SRP68: variants seen among roughly 807,000 people sequenced by gnomAD.
The protein encoded by SRP68 is signal recognition particle subunit SRP68.
SRP68 carries 15 observed loss-of-function variants against 82.2 expected under a neutral mutation model. The observed-to-expected ratio is 0.18, with a 90% CI of 0.12 to 0.28. The LOEUF (loss-of-function observed/expected upper bound fraction) is 0.28, where lower values mean the gene tolerates loss of function less well. Ranked by LOEUF, SRP68 falls within the 10% of genes least tolerant of loss-of-function variation. The probability of loss-of-function intolerance (pLI) is 1.00; values close to 1 mark genes in which losing one functional copy is unlikely to be tolerated. For synonymous variants in SRP68, 261 were observed against 292.6 expected (o/e 0.89, Z 1.10); for missense variants, 595 against 780.5 (o/e 0.76, Z 2.83).
At chr17:76,065,235 A>T (rs1270833591) in intron 3 of SRP68, among the ~76,000 whole-genome samples, 3 of 152,154 alleles carry the variant, frequency 2.0e-5, no homozygotes, top group African/African-American at 7.2e-5. Context: ...GGATCACTTG[A>T]GGCCAGGAGT....
At chr17:76,040,593 G>A in intron 14 of SRP68, 119 bp from the exon 15 acceptor site, 3 of 978,388 alleles carry the variant, frequency 3.1e-6, no homozygotes, top group Non-Finnish European at 4.8e-6. Flanking sequence ...CAGCATGTGG[G>A]GAAGCCAGGC....
chr17:76,062,642 A>AAT (rs1320150375), intron 4 of SRP68, among the ~76,000 whole-genome samples: 1 of 39,926 alleles, frequency 2.5e-5, no homozygotes, highest in African/African-American at 2.7e-4. Context: ...TATATTATAT[A>AAT]ATATACATTA....
At chr17:76,041,880 A>T (rs2066593125) in intron 13 of SRP68, among the ~76,000 whole-genome samples, 1 of 150,076 alleles carries the variant, frequency 6.7e-6, no homozygotes, top group Non-Finnish European at 1.5e-5. Flanking sequence ...CAACGACAGG[A>T]ACCTTTGCTT....
chr17:76,039,903 G>C lies in SRP68; in HGVS notation c.1687C>G (p.Leu563Val), dbSNP rs776560523. Residue 563 changes from leucine (L) to valine (V), a missense_variant, in exon 16 of 16, where the codon CTG (leucine) becomes GTG (valine). By Grantham distance (32) the Leu-to-Val change is conservative. Around this residue, in one of 2 missense-constraint regions of SRP68, gnomAD observed 495 missense variants for 688.6 expected, o/e 0.72. Transcript: ENST00000307877. ...PLVERFETFC[L>V]DPSLVTKQAN... ...TGCTTGGTGACAAGGGAAGGGTCCA[G>C]GCAGAATGTCTCAAACCGTTCAACC... The C allele has an allele frequency of 3.5e-5, 56 of 1,614,116 alleles. No individual in the cohort carries two copies. Among genetic ancestry groups the C allele is most frequent in the Non-Finnish European group, 4.5e-5 (53 of 1,180,044 alleles).
intron 8 of SRP68, among the ~76,000 whole-genome samples, chr17:76,056,782 G>C (rs1380333058): frequency 6.6e-6 from 1 of 152,170 alleles, no homozygotes; most frequent in Non-Finnish European, 1.5e-5. Flanking sequence ...TTTTTTTAAA[G>C]ATGTCCTTTA....
chr17:76,040,757 C>A, intron 14 of SRP68, 146 bp downstream of exon 14: 1 of 774,534 alleles, frequency 1.3e-6, no homozygotes. Context: ...ATCTGATGCC[C>A]AGCTGGCACA....
At chr17:76,064,603 G>A (rs1656175700) in intron 3 of SRP68, among the ~76,000 whole-genome samples, 3 of 152,064 alleles carry the variant, frequency 2.0e-5, no homozygotes. Flanking sequence ...CACTTTGGGA[G>A]GCTGAGCCAG....
intron 3 of SRP68, among the ~76,000 whole-genome samples, chr17:76,065,859 A>C (rs1466891439): frequency 2.6e-5 from 4 of 151,624 alleles, no homozygotes; most frequent in Non-Finnish European, 4.4e-5. Context: ...AACATTTTCC[A>C]ATAAGATGAA....
At chr17:76,062,742 TATATATATATATATATATATATAAA>T (rs1429272557) in intron 4 of SRP68, among the ~76,000 whole-genome samples, 2 of 28,208 alleles carry the variant, frequency 7.1e-5, no homozygotes, top group South Asian at 6.6e-4. Flanking sequence ...TATATATATA[TATATATATATATATATATATATAAA>T]ATATATATAT....
chr17:76,070,884 T>C (rs769416270), intron 1 of SRP68, among the ~76,000 whole-genome samples: 47 of 99,462 alleles, frequency 4.7e-4, no homozygotes, highest in Non-Finnish European at 8.7e-4. Context: ...ACACACAAAT[T>C]TGTGAAATAT....
intron 4 of SRP68, among the ~76,000 whole-genome samples, chr17:76,062,743 A>T (rs1366440373): frequency 1.5e-5 from 1 of 68,902 alleles, no homozygotes; most frequent in African/African-American, 8.4e-5. Context: ...ATATATATAT[A>T]TATATATATA....
chr17:76,044,989 G>C (rs1230740897), intron 12 of SRP68: 4 of 223,034 alleles, frequency 1.8e-5, no homozygotes, highest in Non-Finnish European at 2.6e-5. Context: ...TGATCCACCT[G>C]CCTCAGCCTC....
In SRP68 at chr17:76,040,490, G is replaced by T. The variant is rs2066581336; in HGVS notation, c.1601-16C>A. 1 of 1,612,394 alleles carries T rather than the reference G, an allele frequency of 6.2e-7. No homozygotes were observed. The highest frequency in any genetic ancestry group is 1.3e-5 in the African/African-American group (1 of 74,856). ...TCGTTTGCATCTGAAAGTTTCACAG[G>T]GATTCAGTAAGAACAAGGATTTATA... On this transcript the variant is annotated splice_polypyrimidine_tract_variant and intron_variant, in intron 14 of 15. Transcript: ENST00000307877.
At position 76,067,207 on chromosome 17, in the gene SRP68, C is replaced by A; in HGVS notation, c.365+10G>T. ...GAAGTAATTTGCAACTAGCATGGAG[C>A]AGTCAATACCTATTATCGGTCAGAA... is the stretch of plus-strand genomic sequence containing the variant. On this transcript the variant is annotated intron_variant, in intron 3 of 15. Coordinates refer to ENST00000307877, the MANE Select transcript of SRP68 (RefSeq NM_014230.4). 6 of 1,589,684 alleles carry A rather than the reference C, an allele frequency of 3.8e-6. No individual in the cohort carries two copies. Among genetic ancestry groups the A allele is most frequent in the Non-Finnish European group, 5.2e-6 (6 of 1,158,108 alleles).
In SRP68 at chr17:76,072,179, A is replaced by G; in HGVS notation, c.184+129T>C. On this transcript the variant is annotated intron_variant, in intron 1 of 15. Coordinates refer to ENST00000307877, the MANE Select transcript of SRP68 (RefSeq NM_014230.4). The surrounding 1 kb of genome is among the most constrained non-coding windows in gnomAD (Gnocchi z 4.5). ...CCCGGAATTCTGAGCACCAAAAGGT[A>G]AGGGCGAGAGAAACTGCAACCCTCG... 6.6e-7 allele frequency: 1 copy of G among 1,508,224 alleles called. No homozygotes were observed. Among genetic ancestry groups the G allele is most frequent in the Non-Finnish European group, 8.9e-7 (1 of 1,125,224 alleles). The allele number at this position is 1,508,224 out of a possible 1,614,324, so 93.4% of individuals were successfully genotyped here.
chr17:76,069,230 A>C (rs1451423211), intron 2 of SRP68, among the ~76,000 whole-genome samples: 1 of 151,168 alleles, frequency 6.6e-6, no homozygotes, highest in East Asian at 1.9e-4. Context: ...TCTACTAAAA[A>C]TACAAAAATT....
intron 8 of SRP68, among the ~76,000 whole-genome samples, chr17:76,052,503 G>T (rs2066680469): frequency 6.6e-6 from 1 of 152,222 alleles, no homozygotes; most frequent in East Asian, 1.9e-4. Flanking sequence ...ATGCACACAG[G>T]GCTTAAAACC....
Position 76,067,220 on chromosome 17 carries a change from T to C in SRP68, c.362A>G (p.Asn121Ser). 6.2e-7 allele frequency: 1 copy of C among 1,611,102 alleles called. No individual in the cohort carries two copies. The highest frequency in any genetic ancestry group is 8.5e-7 in the Non-Finnish European group (1 of 1,177,430). ...KKVTEELLTD[N>S]RYLLLVLMDA... ...ACTAGCATGGAGCAGTCAATACCTATTATCGGTCAGAAGCTCTTCAGTCAC... is the reference window on the plus strand; with the variant it reads ...ACTAGCATGGAGCAGTCAATACCTACTATCGGTCAGAAGCTCTTCAGTCAC... The change falls in exon 3 of 16, where the codon AAT becomes AGT. Residue 121 changes from asparagine to serine, a missense_variant. Asn to Ser is a conservative substitution (Grantham distance 46). Transcript: ENST00000307877.
chr17:76,065,963 T>C (rs192461028), intron 3 of SRP68, among the ~76,000 whole-genome samples: 12 of 151,602 alleles, frequency 7.9e-5, no homozygotes, highest in African/African-American at 2.9e-4. Flanking sequence ...CTCTAAACAA[T>C]ACCTATGTGA....
Sources: gnomAD v4.1 joint callset for allele counts (sites outside exome capture counted in the v4.1 genomes callset) on GRCh38, gnomAD v4.1.1 for gene constraint, gnomAD v4.1.1 regional missense constraint, Gnocchi (gnomAD v3.1) non-coding constraint, MANE v1.5 for transcripts, NCBI Gene and HGNC (gene_info 2026-07-23, HGNC 2026-07-21) for gene names.